Variants in R3HDM2 observed in about 807,000 individuals in gnomAD.
R3HDM2 encodes the protein R3H domain-containing protein 2.
Under a neutral mutation model 124.5 loss-of-function variants are expected in R3HDM2, and 38 were observed. The observed-to-expected ratio is 0.31, with a 90% CI of 0.24 to 0.40. The LOEUF is 0.40. Among genes scored for constraint, R3HDM2 ranks in the 10% least tolerant of loss-of-function variants. The probability of loss-of-function intolerance (pLI) is 1.00; values close to 1 mark genes in which losing one functional copy is unlikely to be tolerated. For synonymous variants in R3HDM2, 391 were observed against 448.0 expected (o/e 0.87, Z 1.61); for missense variants, 869 against 1,236.9 (o/e 0.70, Z 4.46).
intron 14 of R3HDM2, among the ~76,000 whole-genome samples, chr12:57,276,994 C>T (rs1175551051): frequency 2.0e-5 from 3 of 150,586 alleles, no homozygotes; most frequent in Admixed American, 6.6e-5. Context: ...GTATACTGCT[C>T]GGGAGATGGG....
chr12:57,336,040 CAAT>C (rs2058809391), intron 2 of R3HDM2, among the ~76,000 whole-genome samples: 1 of 151,158 alleles, frequency 6.6e-6, no homozygotes, highest in African/African-American at 2.4e-5. Context: ...AAAACACCCA[CAAT>C]GAGATACCAT....
intron 1 of R3HDM2, among the ~76,000 whole-genome samples, chr12:57,397,001 G>A (rs752073880): frequency 6.6e-6 from 1 of 151,916 alleles, no homozygotes; most frequent in Non-Finnish European, 1.5e-5. Flanking sequence ...GCTGAGGGAG[G>A]AGAATGGCTT....
intron 19 of R3HDM2, among the ~76,000 whole-genome samples, chr12:57,259,351 C>T (rs755070680): frequency 1.3e-5 from 2 of 152,216 alleles, no homozygotes; most frequent in African/African-American, 4.8e-5. Flanking sequence ...ATTCTGTCAA[C>T]GCTGGCTATA....
chr12:57,273,683 C>A (rs1371804530), intron 14 of R3HDM2, among the ~76,000 whole-genome samples: 1 of 152,182 alleles, frequency 6.6e-6, no homozygotes, highest in Non-Finnish European at 1.5e-5. Flanking sequence ...CTCTCCACCC[C>A]ACTCTAGTAG....
In R3HDM2 at chr12:57,269,091, G is replaced by A. The variant is rs775149884; in HGVS notation, c.1715-9C>T. On this transcript the variant is annotated splice_polypyrimidine_tract_variant and intron_variant, in intron 16 of 23. Transcript: ENST00000402412. ...CATCATGGGCTGTAAACCTAGAGAT[G>A]GGCAAGGCAGAAAATACATTAGTAT... 5 of 1,613,976 alleles carry A rather than the reference G, an allele frequency of 3.1e-6. 1 individual carries two copies. The South Asian group carries it at 3.3e-5, about 11-fold the overall frequency.
intron 2 of R3HDM2, among the ~76,000 whole-genome samples, chr12:57,384,665 G>A (rs1339399728): frequency 6.6e-6 from 1 of 152,184 alleles, no homozygotes; most frequent in Non-Finnish European, 1.5e-5. Context: ...AGAATCTAGA[G>A]AGGTTAGTAG....
intron 2 of R3HDM2, among the ~76,000 whole-genome samples, chr12:57,326,855 A>G (rs766942789): frequency 3.9e-5 from 6 of 152,308 alleles, no homozygotes; most frequent in African/African-American, 9.6e-5. Context: ...TGAAAATCCT[A>G]TGGCCTTAAG....
intron 2 of R3HDM2, among the ~76,000 whole-genome samples, chr12:57,323,055 TA>T (rs376058000): frequency 7.4e-4 from 112 of 152,138 alleles, no homozygotes; most frequent in South Asian, 6.6e-3. Flanking sequence ...CTCCACTTTA[TA>T]AAAAAGATAC....
At chr12:57,280,308 G>C in intron 14 of R3HDM2, 50 bp downstream of exon 14, 1 of 1,549,290 alleles carries the variant, frequency 6.5e-7, no homozygotes, top group Non-Finnish European at 8.8e-7. Context: ...TACATCTAAA[G>C]TTTGCTTGAA....
intron 19 of R3HDM2, among the ~76,000 whole-genome samples, chr12:57,261,634 A>T (rs1592368924): frequency 1.3e-5 from 2 of 151,974 alleles, no homozygotes; most frequent in East Asian, 3.9e-4. Context: ...TTGTTCCTTC[A>T]CTTAGCTGAG....
chr12:57,397,926 A>G lies in R3HDM2; in HGVS notation c.-105-2108T>C, dbSNP rs147716603. Among the ~76,000 whole-genome samples, 786 of 152,284 alleles carry G rather than the reference A, an allele frequency of 5.2e-3. 9 individuals carry two copies. Among genetic ancestry groups the G allele is most frequent in the African/African-American group, 0.017 (726 of 41,582 alleles). On this transcript the variant is annotated intron_variant, in intron 1 of 23. Coordinates refer to ENST00000402412, the MANE Select transcript of R3HDM2 (RefSeq NM_001394031.1). ...GGGCCGGGCACAGTGGCTCACGCCT[A>G]TAATCCCAGCACTTTGGGAGGCTAA...
chr12:57,417,681 C>A (rs903676815), intron 1 of R3HDM2, among the ~76,000 whole-genome samples: 2 of 152,178 alleles, frequency 1.3e-5, no homozygotes, highest in Non-Finnish European at 2.9e-5. Flanking sequence ...AATTATAATG[C>A]ATTCCATCCA....
chr12:57,396,206 G>A lies in R3HDM2; in HGVS notation c.-105-388C>T, dbSNP rs183991243. ...TGTAATCCCAGCACTTTGGGTGGCCGAGGCCGGTGGATCACTTGAGGTCAG... is the reference window on the plus strand; with the variant it reads ...TGTAATCCCAGCACTTTGGGTGGCCAAGGCCGGTGGATCACTTGAGGTCAG... On this transcript the variant is annotated intron_variant, in intron 1 of 23. Transcript: ENST00000402412. Among the ~76,000 whole-genome samples, 326 of 150,504 alleles carry A rather than the reference G, an allele frequency of 2.2e-3. 2 individuals carry two copies. The highest frequency in any genetic ancestry group is 5.3e-3 in the African/African-American group (219 of 40,960).
At chr12:57,386,997 ACT>A (rs1443194020) in intron 2 of R3HDM2, among the ~76,000 whole-genome samples, 3 of 151,554 alleles carry the variant, frequency 2.0e-5, no homozygotes, top group South Asian at 2.1e-4. Context: ...ACCAATCAAC[ACT>A]CTGTATCTAG....
At chr12:57,396,212 G>A (rs903834240) in intron 1 of R3HDM2, among the ~76,000 whole-genome samples, 1 of 152,028 alleles carries the variant, frequency 6.6e-6, no homozygotes, top group African/African-American at 2.4e-5. Flanking sequence ...GGCCGAGGCC[G>A]GTGGATCACT....
chr12:57,288,257 G>A lies in R3HDM2; in HGVS notation c.938+752C>T, dbSNP rs192755290. Reference sequence around the variant, plus strand: ...CTGACCTCGTGATCCACCCACCTCGGCCTCCCAATGTGCTGGGATTACAGG... The same window carrying A: ...CTGACCTCGTGATCCACCCACCTCGACCTCCCAATGTGCTGGGATTACAGG... On this transcript the variant is annotated intron_variant, in intron 12 of 23. Transcript: ENST00000402412. Among the ~76,000 whole-genome samples, 15 of 151,926 alleles carry A rather than the reference G, an allele frequency of 9.9e-5. 1 individual carries two copies. Among genetic ancestry groups the A allele is most frequent in the African/African-American group, 3.6e-4 (15 of 41,410 alleles).
At chr12:57,267,269 A>T (rs1378335410) in intron 18 of R3HDM2, among the ~76,000 whole-genome samples, 1 of 152,216 alleles carries the variant, frequency 6.6e-6, no homozygotes, top group Non-Finnish European at 1.5e-5. Context: ...GCCTAAAAAA[A>T]AAGTCAGTTG....
In R3HDM2 at chr12:57,256,054, A is replaced by G; in HGVS notation, c.2568T>C (p.His856=). The G allele has an allele frequency of 6.2e-7, 1 of 1,614,072 alleles. No individual in the cohort carries two copies. The highest frequency in any genetic ancestry group is 8.5e-7 in the Non-Finnish European group (1 of 1,179,982). Residue 856 remains histidine (H), a synonymous_variant, in exon 23 of 24, where the codon CAT becomes CAC. Transcript: ENST00000402412. ...TVHQGQSGLK[H]GNRGKRQALK... is the part of the protein sequence containing the mutation. ...GTGCTTGTCTCTTGCCCCGGTTTCC[A>G]TGCTTCAGTCCACTCTGTCCCTTCA...
chr12:57,343,783 A>C (rs78334513), intron 2 of R3HDM2, among the ~76,000 whole-genome samples: 11 of 151,488 alleles, frequency 7.3e-5, no homozygotes, highest in African/African-American at 1.9e-4. Context: ...AAAAAAAAAA[A>C]AAACAGGTTC....
Sources: gnomAD v4.1 joint callset for allele counts (sites outside exome capture counted in the v4.1 genomes callset) on GRCh38, gnomAD v4.1.1 for gene constraint, MANE v1.5 for transcripts, NCBI Gene and HGNC (gene_info 2026-07-23, HGNC 2026-07-21) for gene names.